CACNB4: variants seen among roughly 807,000 people sequenced by gnomAD.
The protein encoded by CACNB4 is calcium voltage-gated channel auxiliary subunit beta 4, also known as voltage-dependent L-type calcium channel subunit beta-4.
A neutral mutation model predicts 71.2 loss-of-function variants in CACNB4; 32 were observed. The observed-to-expected ratio is 0.45, with a 90% confidence interval of 0.34 to 0.60. The LOEUF (loss-of-function observed/expected upper bound fraction) is 0.60, where lower values mean the gene tolerates loss of function less well. Among genes scored for constraint, CACNB4 ranks in the 20% least tolerant of loss-of-function variants. The probability of loss-of-function intolerance (pLI) is 0.01; values close to 1 mark genes in which losing one functional copy is unlikely to be tolerated. For synonymous variants in CACNB4, 231 were observed against 236.9 expected (o/e 0.97, Z 0.23); for missense variants, 464 against 647.9 (o/e 0.72, Z 3.08).
At chr2:151,976,767 C>A (rs2099873880) in intron 2 of CACNB4, among the ~76,000 whole-genome samples, 1 of 152,154 alleles carries the variant, frequency 6.6e-6, no homozygotes, top group Non-Finnish European at 1.5e-5. Flanking sequence ...ACTATCTCTG[C>A]CCCAAGATTC....
chr2:151,981,152 C>T (rs4664070), intron 2 of CACNB4, among the ~76,000 whole-genome samples: 34,778 of 152,064 alleles, frequency 0.23, 4,167 homozygotes, highest in Middle Eastern at 0.41. Flanking sequence ...TACCAGTGGG[C>T]GAATCACATA....
At chr2:151,879,325 T>G (rs2099847245) in intron 4 of CACNB4, among the ~76,000 whole-genome samples, 2 of 152,206 alleles carry the variant, frequency 1.3e-5, no homozygotes. Flanking sequence ...AGAATCTGAC[T>G]CAGGAGGAAT....
At chr2:152,002,251 T>C (rs546879373) in intron 2 of CACNB4, among the ~76,000 whole-genome samples, 1 of 152,222 alleles carries the variant, frequency 6.6e-6, no homozygotes, top group African/African-American at 2.4e-5. Flanking sequence ...TCCTCTTTCG[T>C]CCTCTTACTT....
At chr2:151,887,723 C>A (rs1019742238) in intron 2 of CACNB4, among the ~76,000 whole-genome samples, 29 of 152,158 alleles carry the variant, frequency 1.9e-4, no homozygotes, top group African/African-American at 6.5e-4. Context: ...GTTATTTAAC[C>A]TTCTGCATCC....
intron 2 of CACNB4, among the ~76,000 whole-genome samples, chr2:152,004,577 A>G (rs1391039336): frequency 6.6e-6 from 1 of 151,860 alleles, no homozygotes; most frequent in Non-Finnish European, 1.5e-5. Context: ...ACATGCTAAC[A>G]ACCAAAACCT....
chr2:151,967,471 T>G (rs554152330), intron 2 of CACNB4: 2 of 92,496 alleles, frequency 2.2e-5, no homozygotes, highest in African/African-American at 3.9e-5. Flanking sequence ...GAAGGCAAAA[T>G]TTTTTAAGTC....
intron 2 of CACNB4, among the ~76,000 whole-genome samples, chr2:151,931,630 G>A (rs186293882): frequency 6.6e-6 from 1 of 152,258 alleles, no homozygotes; most frequent in East Asian, 1.9e-4. Context: ...AAGGCATAAG[G>A]CAACCAAGTG....
Position 151,937,911 on chromosome 2 carries a change from T to A in CACNB4, c.148-54541A>T, listed in dbSNP as rs566595850. On this transcript the variant is annotated intron_variant, in intron 2 of 13. Transcript: ENST00000539935. Reference sequence around the variant, plus strand: ...AAAAGCCAAGTGGTCTTCCAGCTTTTGCTGGAACATCTGCAGGGCTGAGGA... The same window carrying A: ...AAAAGCCAAGTGGTCTTCCAGCTTTAGCTGGAACATCTGCAGGGCTGAGGA... Among the ~76,000 whole-genome samples, 18 of 152,372 alleles carry A rather than the reference T, an allele frequency of 1.2e-4. No homozygotes were observed. In the South Asian group the frequency reaches 3.7e-3, roughly 32 times the overall value.
intron 2 of CACNB4, among the ~76,000 whole-genome samples, chr2:151,945,823 G>A (rs1431983776): frequency 1.3e-5 from 2 of 149,838 alleles, no homozygotes; most frequent in African/African-American, 2.5e-5. Context: ...GCTGCAGTGA[G>A]CTAAGATTAT....
intron 2 of CACNB4, among the ~76,000 whole-genome samples, chr2:152,043,529 A>C (rs531251340): frequency 6.9e-4 from 105 of 152,306 alleles, no homozygotes; most frequent in African/African-American, 2.4e-3. Flanking sequence ...TGCCATCTCC[A>C]GGCTGGTCTC....
intron 2 of CACNB4, among the ~76,000 whole-genome samples, chr2:151,989,632 C>T (rs573986917): frequency 1.5e-4 from 23 of 152,306 alleles, no homozygotes; most frequent in African/African-American, 5.3e-4. Context: ...TCTCCCTTAG[C>T]TTCAACTACG....
intron 2 of CACNB4, among the ~76,000 whole-genome samples, chr2:152,080,660 C>T (rs1687314416): frequency 6.6e-6 from 1 of 151,992 alleles, no homozygotes; most frequent in East Asian, 1.9e-4. Flanking sequence ...GTATTTTTTC[C>T]ATCAGTTCAT....
chr2:151,859,108 T>G (rs530247959), intron 10 of CACNB4: 115 of 152,332 alleles, frequency 7.5e-4, no homozygotes, highest in African/African-American at 2.7e-3. Context: ...TGGATCACAT[T>G]GTGGTTATTA....
At chr2:151,883,054 A>T (rs1255651570) in intron 3 of CACNB4, 197 bp downstream of exon 3, 2 of 576,796 alleles carry the variant, frequency 3.5e-6, no homozygotes, top group East Asian at 6.0e-5. Context: ...CAAAAAGGTG[A>T]AGGTTCTGAG....
At chr2:151,942,705 G>T (rs2099864568) in intron 2 of CACNB4, among the ~76,000 whole-genome samples, 1 of 152,016 alleles carries the variant, frequency 6.6e-6, no homozygotes, top group African/African-American at 2.4e-5. Flanking sequence ...CTGGGGGGAG[G>T]TCTATAAACG....
At chr2:152,024,423 A>T (rs1257747026) in intron 2 of CACNB4, among the ~76,000 whole-genome samples, 1 of 152,242 alleles carries the variant, frequency 6.6e-6, no homozygotes. Context: ...TTTAGCTGAC[A>T]ATGGCTACTC....
chr2:151,975,575 G>A (rs2099873648), intron 2 of CACNB4, among the ~76,000 whole-genome samples: 1 of 152,178 alleles, frequency 6.6e-6, no homozygotes, highest in Non-Finnish European at 1.5e-5. Context: ...TCCATAGAGA[G>A]AAACCCAGTG....
chr2:151,876,417 G>C lies in CACNB4; in HGVS notation c.521+9C>G, dbSNP rs747291810. 1.9e-6 allele frequency: 3 copies of C among 1,594,992 alleles called. No individual in the cohort carries two copies. In the South Asian group the frequency reaches 3.4e-5, roughly 18 times the overall value. On this transcript the variant is annotated intron_variant, in intron 5 of 13. Coordinates refer to ENST00000539935, the MANE Select transcript of CACNB4 (RefSeq NM_000726.5). Reference sequence around the variant, plus strand: ...CAAAAAAAAGTGCATAGAAAAGATGGGAACGTACCCTCCGTGAAAACGTCC... The same window carrying C: ...CAAAAAAAAGTGCATAGAAAAGATGCGAACGTACCCTCCGTGAAAACGTCC...
At chr2:151,977,629 G>C (rs1300191534) in intron 2 of CACNB4, among the ~76,000 whole-genome samples, 3 of 152,192 alleles carry the variant, frequency 2.0e-5, no homozygotes, top group Admixed American at 6.5e-5. Context: ...GAGAAGATTA[G>C]CTATTAGCTA....
Sources: gnomAD v4.1 joint callset for allele counts (sites outside exome capture counted in the v4.1 genomes callset) on GRCh38, gnomAD v4.1.1 for gene constraint, MANE v1.5 for transcripts, NCBI Gene and HGNC (gene_info 2026-07-23, HGNC 2026-07-21) for gene names.